CHN1: variants seen among roughly 807,000 people sequenced by gnomAD.
CHN1 encodes the protein N-chimaerin.
CHN1 carries 37 observed loss-of-function variants against 59.5 expected under a neutral mutation model. That is an observed-to-expected ratio of 0.62 (90% CI 0.48 to 0.82). The LOEUF (loss-of-function observed/expected upper bound fraction) is 0.82. CHN1 is among the 40% of genes least tolerant of loss of function. The pLI is 0.00. For synonymous variants in CHN1, 206 were observed against 200.4 expected (o/e 1.03, Z -0.24); for missense variants, 469 against 571.0 (o/e 0.82, Z 1.82).
chr2:174,996,969 A>G (rs1191093827), intron 1 of CHN1, among the ~76,000 whole-genome samples: 1 of 152,160 alleles, frequency 6.6e-6, no homozygotes, highest in Non-Finnish European at 1.5e-5. Flanking sequence ...ACATTGTGAG[A>G]CAGGTAACCC....
chr2:174,959,955 G>C (rs1690345025), intron 1 of CHN1, among the ~76,000 whole-genome samples: 1 of 152,158 alleles, frequency 6.6e-6, no homozygotes, highest in African/African-American at 2.4e-5. Flanking sequence ...GTGCAGGGCT[G>C]GTCTTAAATG....
chr2:174,943,775 A>T (rs1252350875), intron 3 of CHN1, among the ~76,000 whole-genome samples: 1 of 152,006 alleles, frequency 6.6e-6, no homozygotes, highest in Admixed American at 6.6e-5. Context: ...TCTCTGGTTT[A>T]ATCCTTTCTG....
In CHN1 at chr2:174,951,365, T is replaced by G. The variant is rs545358755; in HGVS notation, c.58+799A>C. Among the ~76,000 whole-genome samples, 7 of 152,292 alleles carry G rather than the reference T, an allele frequency of 4.6e-5. No individual in the cohort carries two copies. The East Asian group carries it at 7.7e-4, about 17-fold the overall frequency. On this transcript the variant is annotated intron_variant, in intron 2 of 12. Transcript: ENST00000409900. The stretch of plus-strand genomic sequence containing the variant: ...ATTGCTGTTCCTTCAGTCAGCAAAT[T>G]TCAGCAACCTACAATCATCAGATTT...
chr2:174,822,671 A>G (rs572274294), intron 8 of CHN1, among the ~76,000 whole-genome samples: 1 of 152,358 alleles, frequency 6.6e-6, no homozygotes, highest in Non-Finnish European at 1.5e-5. Context: ...TGCTTTGGAA[A>G]GAGTATTCCA....
chr2:174,839,830 C>T (rs777577230), intron 7 of CHN1, among the ~76,000 whole-genome samples: 1 of 152,056 alleles, frequency 6.6e-6, no homozygotes, highest in African/African-American at 2.4e-5. Flanking sequence ...TCTCAAACTC[C>T]TAGGCTCAAG....
chr2:174,909,763 G>C (rs1226600394), intron 5 of CHN1, among the ~76,000 whole-genome samples: 1 of 152,202 alleles, frequency 6.6e-6, no homozygotes, highest in African/African-American at 2.4e-5. Context: ...TTATGTCTAA[G>C]TGAGTAGAGT....
chr2:174,826,553 T>G (rs1156917925), intron 7 of CHN1, among the ~76,000 whole-genome samples: 1 of 152,196 alleles, frequency 6.6e-6, no homozygotes, highest in Non-Finnish European at 1.5e-5. Flanking sequence ...CAGGAATTAT[T>G]TTGTGCCGAT....
At chr2:174,878,219 C>T (rs1374730888) in intron 5 of CHN1, 91 bp from the exon 6 acceptor site, 3 of 1,213,988 alleles carry the variant, frequency 2.5e-6, no homozygotes, top group African/African-American at 3.1e-5. Context: ...AAAACTATCG[C>T]TTTGTTTTGT....
At chr2:174,852,104 C>T (rs1266825496) in intron 6 of CHN1, among the ~76,000 whole-genome samples, 1 of 145,308 alleles carries the variant, frequency 6.9e-6, no homozygotes, top group Admixed American at 7.3e-5. Flanking sequence ...TGATGAAACC[C>T]CTTTTTTTCC....
At chr2:174,834,598 T>C (rs575163499) in intron 7 of CHN1, among the ~76,000 whole-genome samples, 2 of 152,330 alleles carry the variant, frequency 1.3e-5, no homozygotes, top group African/African-American at 4.8e-5. Flanking sequence ...TTGTCTTGCA[T>C]AGTTTTTGAT....
chr2:174,963,424 T>A (rs991646194), intron 1 of CHN1, among the ~76,000 whole-genome samples: 3 of 152,034 alleles, frequency 2.0e-5, no homozygotes, highest in Non-Finnish European at 4.4e-5. Flanking sequence ...ACAAGACTCT[T>A]AAAGGATAGA....
intron 3 of CHN1, among the ~76,000 whole-genome samples, chr2:174,944,649 C>A (rs114719393): frequency 1.3e-5 from 2 of 152,040 alleles, no homozygotes; most frequent in African/African-American, 4.8e-5. Context: ...GAAAAGAATA[C>A]GAACAACCCT....
At chr2:174,934,695 T>C (rs1455079922) in intron 3 of CHN1, among the ~76,000 whole-genome samples, 2 of 152,196 alleles carry the variant, frequency 1.3e-5, no homozygotes, top group African/African-American at 2.4e-5. Flanking sequence ...ATGTGCAGAA[T>C]AGGCAGAGAT....
chr2:174,891,698 T>A (rs959955168), intron 5 of CHN1, among the ~76,000 whole-genome samples: 2 of 151,814 alleles, frequency 1.3e-5, no homozygotes, highest in African/African-American at 4.8e-5. Context: ...ATCAAATAAT[T>A]TTGCACCTCA....
chr2:174,878,145 G>A lies in CHN1; in HGVS notation c.261-17C>T. On this transcript the variant is annotated splice_polypyrimidine_tract_variant and intron_variant, in intron 5 of 12. Coordinates refer to ENST00000409900, the MANE Select transcript of CHN1 (RefSeq NM_001822.7). ...CTTCCAAATCTGCCTCAATGAAATGGGAAAGATGTTTTTAAGAAAAGTAAG... is the reference window on the plus strand; with the variant it reads ...CTTCCAAATCTGCCTCAATGAAATGAGAAAGATGTTTTTAAGAAAAGTAAG... 2 of 1,512,194 alleles carry A rather than the reference G, an allele frequency of 1.3e-6. No individual in the cohort carries two copies. 93.7% of individuals were successfully genotyped at this position (1,512,194 alleles called of 1,614,324 possible).
chr2:174,931,260 A>C (rs1689339222), intron 3 of CHN1, among the ~76,000 whole-genome samples: 1 of 152,256 alleles, frequency 6.6e-6, no homozygotes, highest in African/African-American at 2.4e-5. Context: ...TATAAGTGTT[A>C]AATAACAGAT....
chr2:174,815,513 C>T (rs1685219377), intron 8 of CHN1, among the ~76,000 whole-genome samples: 1 of 151,562 alleles, frequency 6.6e-6, no homozygotes, highest in Non-Finnish European at 1.5e-5. Flanking sequence ...CGGTGAGTTC[C>T]TTTTAGTTAT....
At chr2:174,945,996 C>T (rs990079123) in intron 2 of CHN1, among the ~76,000 whole-genome samples, 2 of 151,950 alleles carry the variant, frequency 1.3e-5, no homozygotes, top group African/African-American at 4.8e-5. Flanking sequence ...ACAGTGAACA[C>T]ACACACATAC....
intron 6 of CHN1, among the ~76,000 whole-genome samples, chr2:174,865,407 T>C (rs1183621629): frequency 6.6e-6 from 1 of 152,134 alleles, no homozygotes; most frequent in Non-Finnish European, 1.5e-5. Context: ...CTGTCCTCTA[T>C]GATGTCACTC....
Sources: allele counts gnomAD v4.1 joint callset (sites outside exome capture counted in the v4.1 genomes callset), GRCh38; gene constraint gnomAD v4.1.1; transcripts MANE v1.5; gene names NCBI Gene and HGNC (gene_info 2026-07-23, HGNC 2026-07-21).